The following C1R variants were observed in gnomAD, a reference collection of about 807,000 sequenced individuals.
The protein encoded by C1R is complement C1r.
C1R carries 15 observed loss-of-function variants against 27.6 expected under a neutral mutation model. The observed-to-expected ratio is 0.54, with a 90% CI of 0.36 to 0.84. C1R has a LOEUF of 0.84. Among genes scored for constraint, C1R ranks in the 40% least tolerant of loss-of-function variants. The probability of loss-of-function intolerance (pLI) is 0.01; values close to 1 mark genes in which losing one functional copy is unlikely to be tolerated. For missense variants in C1R, 544 were observed against 577.9 expected (o/e 0.94, Z 0.60); for synonymous variants, 253 against 228.8 (o/e 1.11, Z -0.95).
At position 7,091,596 on chromosome 12, in the gene C1R, C is replaced by T. The variant is rs1195753431; in HGVS notation, c.87G>A (p.Val29=). The T allele has an allele frequency of 1.3e-6, 1 of 769,766 alleles. No homozygotes were observed. The highest frequency in any genetic ancestry group is 2.4e-6 in the Non-Finnish European group (1 of 412,798). The allele number at this position is 769,766 out of a possible 1,614,324, so 47.7% of individuals were successfully genotyped here. The part of the protein sequence containing the change: ...IPIPQKLFGE[V]TSPLFPKPYP... ...AAGGCTTGGGGAACAGAGGGGAAGTCACCTCCCCAAATAACTTCTGAGGGA... is the reference window on the plus strand; with the variant it reads ...AAGGCTTGGGGAACAGAGGGGAAGTTACCTCCCCAAATAACTTCTGAGGGA... The change falls in exon 2 of 11, where the codon GTG becomes GTA. Residue 29 remains valine, a synonymous_variant. Coordinates refer to ENST00000647956, the MANE Select transcript of C1R (RefSeq NM_001733.7). This position sits in a 1 kb window ranked among gnomAD's most constrained non-coding sequence, Gnocchi z 5.1.
Position 7,091,525 on chromosome 12 carries a change from C to T in C1R, c.158G>A (p.Gly53Glu). The T allele has an allele frequency of 1.3e-6, 1 of 778,830 alleles. No individual in the cohort carries two copies. The highest frequency in any genetic ancestry group is 2.4e-6 in the Non-Finnish European group (1 of 417,130). The allele number at this position is 778,830 out of a possible 1,614,324, so 48.2% of individuals were successfully genotyped here. Residue 53 changes from glycine to glutamate, a missense_variant, in exon 2 of 11, where the codon GGA (glycine) becomes GAA (glutamate). Coordinates refer to ENST00000647956, the MANE Select transcript of C1R (RefSeq NM_001733.7). The surrounding 1 kb of genome is among the most constrained non-coding windows in gnomAD (Gnocchi z 5.1). ...CTGGAAGACGAGCTTCACCCTGTAT[C>T]CCGTGGGGACTGTGATCACAGTGGT... ...ETTTVITVPT[G>E]YRVKLVFQQF... is the part of the protein sequence containing the mutation.
intron 2 of C1R, 128 bp from the exon 3 acceptor site, chr12:7,090,376 A>G (rs1363495925): frequency 4.4e-5 from 27 of 613,526 alleles, no homozygotes; most frequent in South Asian, 1.6e-4. Flanking sequence ...GCTGGTCACT[A>G]CCTGCTGGGC....
chr12:7,089,554 C>T, intron 4 of C1R, 33 bp downstream of exon 4: 1 of 780,752 alleles, frequency 1.3e-6, no homozygotes, highest in African/African-American at 1.7e-5. Flanking sequence ...CCTGGCTCAA[C>T]CCCTTCCCCT....
chr12:7,092,217 C>T (rs768227257), intron 1 of C1R, 170 bp downstream of exon 1: 84 of 675,406 alleles, frequency 1.2e-4, no homozygotes, highest in Non-Finnish European at 2.2e-4. Context: ...TCCTCTGATC[C>T]CTAGGAGGAG....
chr12:7,081,262 C>T lies in C1R; in HGVS notation c.1388G>A (p.Arg463His), dbSNP rs1938058271. 2.5e-6 allele frequency: 4 copies of T among 1,611,932 alleles called. No individual in the cohort carries two copies. Among genetic ancestry groups the T allele is most frequent in the African/African-American group, 1.3e-5 (1 of 74,894 alleles). Residue 463 changes from arginine to histidine, a missense_variant, in exon 11 of 11, where the codon CGC becomes CAC. Around this residue, in one of 2 missense-constraint regions of C1R, gnomAD observed 253 missense variants for 368.9 expected, o/e 0.69. Transcript: ENST00000647956. Reference sequence around the variant, plus strand: ...CTTGGCTTTTTGCCCTCCGATGATGCGCTGCCTCTGTTCCACGGGGTTCAC... The same window carrying T: ...CTTGGCTTTTTGCCCTCCGATGATGTGCTGCCTCTGTTCCACGGGGTTCAC... ...KPVNPVEQRQ[R>H]IIGGQKAKMG... is the part of the protein sequence containing the mutation.
rs747824483 is a variant in C1R at position 7,089,434 on chromosome 12, C to A, written c.627G>T (p.Glu209Asp). 1 of 779,314 alleles carries A rather than the reference C, an allele frequency of 1.3e-6. No individual in the cohort carries two copies. Among genetic ancestry groups the A allele is most frequent in the Non-Finnish European group, 2.4e-6 (1 of 417,072 alleles). 48.3% of individuals were successfully genotyped at this position (779,314 alleles called of 1,614,324 possible). A position where few individuals can be genotyped will look rare whatever the true frequency, so the allele number is the denominator to read the frequency against. The change falls in exon 5 of 11, where the codon GAG becomes GAT. Residue 209 changes from glutamate (E) to aspartate (D), a missense_variant. By Grantham distance (45) the Glu-to-Asp change is conservative. This residue lies in a region of C1R where 291 missense variants were observed against 209.0 expected (regional missense o/e 1.39). Transcript: ENST00000647956. ...TEASGYISSL[E>D]YPRSYPPDLR... ...GGTCAGGGGGGTAGGACCGAGGGTA[C>A]TCCAGGCTGGAGATGTAGCCTGATG...
At position 7,080,587 on chromosome 12, in the gene C1R, G is replaced by A; in HGVS notation, c.2063C>T (p.Thr688Ile). The A allele has an allele frequency of 1.9e-6, 3 of 1,608,290 alleles. No individual in the cohort carries two copies. The highest frequency in any genetic ancestry group is 1.3e-5 in the African/African-American group (1 of 74,856). Residue 688 changes from threonine to isoleucine, a missense_variant, in exon 11 of 11, where the codon ACC (threonine) becomes ATC (isoleucine). Physicochemically the swap from Thr to Ile is moderately conservative, Grantham distance 89. Around this residue, in one of 2 missense-constraint regions of C1R, gnomAD observed 253 missense variants for 368.9 expected, o/e 0.69. Coordinates refer to ENST00000647956, the MANE Select transcript of C1R (RefSeq NM_001733.7). The surrounding 1 kb of genome is among the most constrained non-coding windows in gnomAD (Gnocchi z 4.9). ...CCAGTCCACGTAGTTGAGCACTTTGGTGTAGAAGCCATAGCCCCTGCTGCA... is the reference window on the plus strand; with the variant it reads ...CCAGTCCACGTAGTTGAGCACTTTGATGTAGAAGCCATAGCCCCTGCTGCA... The part of the protein sequence containing the change: ...IGCSRGYGFY[T>I]KVLNYVDWIK...
chr12:7,089,610 T>C lies in C1R; in HGVS notation c.548A>G (p.Gln183Arg), dbSNP rs774435623. The C allele has an allele frequency of 2.6e-6, 2 of 780,802 alleles. No individual in the cohort carries two copies. The highest frequency in any genetic ancestry group is 3.4e-5 in the African/African-American group (2 of 59,152). 48.4% of individuals were successfully genotyped at this position (780,802 alleles called of 1,614,324 possible). Residue 183 changes from glutamine (Q) to arginine (R), a missense_variant, in exon 4 of 11, where the codon CAG becomes CGG. Physicochemically the swap from Gln to Arg is conservative, Grantham distance 43. Transcript: ENST00000647956. ...ACCCTGGCAGGAATGCCTGTCTTCC[T>C]GAAGCTCATAGCCTGGACGGCAGGA... ...FCSCRPGYEL[Q>R]EDRHSCQAEC...
rs377315445 is a variant in C1R at position 7,091,299 on chromosome 12, C to T, written c.231+153G>A. 1.1e-4 allele frequency: 67 copies of T among 629,156 alleles called. No homozygotes were observed. Among genetic ancestry groups the T allele is most frequent in the East Asian group, 1.9e-4 (7 of 36,692 alleles). 39.0% of individuals were successfully genotyped at this position (629,156 alleles called of 1,614,324 possible). On this transcript the variant is annotated intron_variant, in intron 2 of 10. Transcript: ENST00000647956. This position sits in a 1 kb window ranked among gnomAD's most constrained non-coding sequence, Gnocchi z 5.1. ...CACCGAGGGCCTCTACACCAGTGAG[C>T]GCCCATCCAGGGCATCCCCGGGCTC...
In C1R at chr12:7,080,233, A is replaced by C; in HGVS notation, c.*299T>G. ...ATTTTGCACACTGGCATTTCTCATA[A>C]AACTTTATTTGGAAAAAGTTATATT... On this transcript the variant is annotated 3_prime_UTR_variant, in exon 11 of 11. Coordinates refer to ENST00000647956, the MANE Select transcript of C1R (RefSeq NM_001733.7). This position sits in a 1 kb window ranked among gnomAD's most constrained non-coding sequence, Gnocchi z 4.9. The C allele has an allele frequency of 1.9e-6, 2 of 1,027,800 alleles. No individual in the cohort carries two copies. Among genetic ancestry groups the C allele is most frequent in the Non-Finnish European group, 2.4e-6 (2 of 848,792 alleles). 63.7% of individuals were successfully genotyped at this position (1,027,800 alleles called of 1,614,324 possible).
chr12:7,088,032 G>A (rs753843851), intron 7 of C1R, among the ~76,000 whole-genome samples: 7 of 152,140 alleles, frequency 4.6e-5, no homozygotes, highest in African/African-American at 9.7e-5. Context: ...GACGGTGGGC[G>A]CAGGGGGAGA....
intron 8 of C1R, 78 bp downstream of exon 8, chr12:7,086,301 C>G: frequency 2.5e-6 from 1 of 398,104 alleles, no homozygotes; most frequent in Non-Finnish European, 4.4e-6. Context: ...AGTCTGGACC[C>G]CTCTTTCTTT....
In C1R at chr12:7,080,834, C is replaced by T; in HGVS notation, c.1816G>A (p.Asp606Asn). Residue 606 changes from aspartate (D) to asparagine (N), a missense_variant, in exon 11 of 11, where the codon GAC becomes AAC. Physicochemically the swap from Asp to Asn is conservative, Grantham distance 23. Transcript: ENST00000647956. The surrounding 1 kb of genome is among the most constrained non-coding windows in gnomAD (Gnocchi z 4.9). ...ACGGGCAGACGGACAAACCTGAGGT[C>T]ATGAGCAATCTTCTCCTCCATGACC... ...FGVMEEKIAHDLRFVRLPVAN... is the reference protein window; with the variant it reads ...FGVMEEKIAHNLRFVRLPVAN... 1 of 1,613,952 alleles carries T rather than the reference C, an allele frequency of 6.2e-7. No homozygotes were observed. Among genetic ancestry groups the T allele is most frequent in the Non-Finnish European group, 8.5e-7 (1 of 1,179,884 alleles).
At position 7,091,952 on chromosome 12, in the gene C1R, A is replaced by C. The variant is rs938041404; in HGVS notation, c.3-272T>G. On this transcript the variant is annotated intron_variant, in intron 1 of 10. Coordinates refer to ENST00000647956, the MANE Select transcript of C1R (RefSeq NM_001733.7). This position sits in a 1 kb window ranked among gnomAD's most constrained non-coding sequence, Gnocchi z 5.1. ...CTTTCCAGCCTCCTCCCCTGCCCGG[A>C]CGCGTCCCTCCCCTCCCCTTCCAGG... 6 of 625,292 alleles carry C rather than the reference A, an allele frequency of 9.6e-6. No individual in the cohort carries two copies. Among genetic ancestry groups the C allele is most frequent in the Non-Finnish European group, 1.8e-5 (6 of 339,166 alleles). The allele number at this position is 625,292 out of a possible 1,614,324, so 38.7% of individuals were successfully genotyped here. A position where few individuals can be genotyped will look rare whatever the true frequency, so the allele number is the denominator to read the frequency against.
Position 7,081,311 on chromosome 12 carries a change from A to G in C1R, c.1349-10T>C. 1 of 1,604,896 alleles carries G rather than the reference A, an allele frequency of 6.2e-7. No individual in the cohort carries two copies. Among genetic ancestry groups the G allele is most frequent in the African/African-American group, 1.3e-5 (1 of 74,792 alleles). Reference sequence around the variant, plus strand: ...ACGGGCTTCCCACACACTGAGGGAGAGACAGGGAAGACAAGGGCAAGTCAG... The same window carrying G: ...ACGGGCTTCCCACACACTGAGGGAGGGACAGGGAAGACAAGGGCAAGTCAG... On this transcript the variant is annotated splice_polypyrimidine_tract_variant and intron_variant, in intron 10 of 10. Coordinates refer to ENST00000647956, the MANE Select transcript of C1R (RefSeq NM_001733.7).
At position 7,091,166 on chromosome 12, in the gene C1R, G is replaced by T; in HGVS notation, c.231+286C>A. ...AGCTGAGGCACAGTGGTTTCCCAAA[G>T]ACTCTCAGCTAGACAGCAGATGGGG... is the stretch of plus-strand genomic sequence containing the variant. On this transcript the variant is annotated intron_variant, in intron 2 of 10. Transcript: ENST00000647956. The surrounding 1 kb of genome is among the most constrained non-coding windows in gnomAD (Gnocchi z 5.1). 2.4e-6 allele frequency: 1 copy of T among 411,358 alleles called. No homozygotes were observed. The allele number at this position is 411,358 out of a possible 1,614,324, so 25.5% of individuals were successfully genotyped here.
chr12:7,085,397 G>A (rs1938138402), intron 9 of C1R, among the ~76,000 whole-genome samples: 2 of 150,958 alleles, frequency 1.3e-5, no homozygotes, highest in East Asian at 2.0e-4. Flanking sequence ...GGTGGCATCG[G>A]TGTTAGTAAT....
chr12:7,083,305 GTTGGTA>G (rs1938097538), intron 9 of C1R, among the ~76,000 whole-genome samples: 1 of 55,910 alleles, frequency 1.8e-5, no homozygotes, highest in Admixed American at 2.4e-4. Context: ...TGATGATGGT[GTTGGTA>G]ATGGTGATGG....
At chr12:7,086,349 C>A in intron 8 of C1R, 30 bp downstream of exon 8, 1 of 398,558 alleles carries the variant, frequency 2.5e-6, no homozygotes. Context: ...TGGGAGGTCC[C>A]CAGGGTCATA....
Sources: allele counts gnomAD v4.1 joint callset (sites outside exome capture counted in the v4.1 genomes callset), GRCh38; gene constraint gnomAD v4.1.1; regional missense constraint gnomAD v4.1.1; non-coding constraint Gnocchi (gnomAD v3.1); transcripts MANE v1.5; gene names NCBI Gene and HGNC (gene_info 2026-07-23, HGNC 2026-07-21).